AKR1A1: variants seen among roughly 807,000 people sequenced by gnomAD.
The protein encoded by AKR1A1 is HEL-S-165mP.
Under a neutral mutation model 39.2 loss-of-function variants are expected in AKR1A1, and 26 were observed. The ratio of observed to expected loss-of-function variants is 0.66; its 90% CI spans 0.49 to 0.92. The LOEUF (loss-of-function observed/expected upper bound fraction) is 0.92, where lower values mean the gene tolerates loss of function less well. Among genes scored for constraint, AKR1A1 ranks in the 40% least tolerant of loss-of-function variants. The pLI, the probability that AKR1A1 is intolerant of heterozygous loss-of-function variation, is 0.00. For synonymous variants in AKR1A1, 141 were observed against 155.5 expected (o/e 0.91, Z 0.69); for missense variants, 378 against 406.5 (o/e 0.93, Z 0.60).
intron 1 of AKR1A1, among the ~76,000 whole-genome samples, chr1:45,558,100 G>T (rs1341683245): frequency 6.6e-6 from 1 of 151,558 alleles, no homozygotes; most frequent in Non-Finnish European, 1.5e-5. Flanking sequence ...GTAGAGAGGG[G>T]GTTTCGCCTT....
At chr1:45,565,551 G>T (rs1414877446) in intron 2 of AKR1A1, among the ~76,000 whole-genome samples, 1 of 151,980 alleles carries the variant, frequency 6.6e-6, no homozygotes, top group East Asian at 1.9e-4. Flanking sequence ...TCAGCTCACT[G>T]CAGCCTCCCC....
intron 1 of AKR1A1, among the ~76,000 whole-genome samples, chr1:45,552,725 G>A (rs1430366746): frequency 6.6e-6 from 1 of 152,144 alleles, no homozygotes; most frequent in African/African-American, 2.4e-5. Flanking sequence ...TGAATATAGG[G>A]GAGAATTGCT....
intron 1 of AKR1A1, among the ~76,000 whole-genome samples, chr1:45,551,780 G>C (rs1183371903): frequency 1.3e-5 from 2 of 152,124 alleles, no homozygotes; most frequent in Admixed American, 1.3e-4. Context: ...GATTCTATCT[G>C]GTCCACTGGG....
chr1:45,568,495 AC>A lies in AKR1A1; in HGVS notation c.566del (p.Pro189HisfsTer8), dbSNP rs768361903. ...TATTCTTTGGCTCAGGTGGAATGCC[AC>A]CCATACTTGGCTCAAAATGAGCTAA... ...VRPAVLQVEC[H>X]PYLAQNELIA... On this transcript the variant is annotated frameshift_variant, in exon 6 of 9. Transcript: ENST00000351829. LOFTEE classifies it high-confidence loss of function. 18 of 1,613,654 alleles carry A rather than the reference AC, an allele frequency of 1.1e-5. No individual in the cohort carries two copies. The highest frequency in any genetic ancestry group is 1.8e-4 in the Middle Eastern group (1 of 5,656).
rs138720250 is a variant in AKR1A1, at chr1:45,569,899, G to A, written c.921G>A (p.Gly307=). 6.6e-4 allele frequency: 1,063 copies of A among 1,613,838 alleles called. 4 individuals are homozygous for A. In the Middle Eastern group the frequency reaches 0.02, roughly 30 times the overall value. The change falls in exon 9 of 9, where the codon GGG becomes GGA. Residue 307 remains glycine (G), a synonymous_variant. Coordinates refer to ENST00000351829, the MANE Select transcript of AKR1A1 (RefSeq NM_153326.3). ...TCTGTCTCTCTTTCCAGGTGGATGG[G>A]AAGAGAGTCCCAAGGGATGCAGGGC... ...RYIVPMLTVD[G]KRVPRDAGHP...
intron 2 of AKR1A1, among the ~76,000 whole-genome samples, chr1:45,562,581 C>T (rs957415924): frequency 6.6e-6 from 1 of 151,604 alleles, no homozygotes; most frequent in Admixed American, 6.6e-5. Context: ...GTGATCTTGG[C>T]TCACTGCAAC....
chr1:45,567,325 C>G (rs534730326), intron 4 of AKR1A1: 1 of 311,746 alleles, frequency 3.2e-6, no homozygotes, highest in African/African-American at 2.1e-5. Flanking sequence ...CCTGGGGTTA[C>G]AGTAATAAGT....
chr1:45,551,948 C>CTG (rs912511675), intron 1 of AKR1A1, among the ~76,000 whole-genome samples: 11 of 151,608 alleles, frequency 7.3e-5, no homozygotes, highest in Admixed American at 5.3e-4. Context: ...CCCCCATAAG[C>CTG]TGTGTGTGTG....
chr1:45,558,331 T>A (rs1377893755), intron 1 of AKR1A1, among the ~76,000 whole-genome samples: 1 of 151,220 alleles, frequency 6.6e-6, no homozygotes, highest in African/African-American at 2.4e-5. Flanking sequence ...CGGGTTCAGG[T>A]GATTCTCATG....
intron 6 of AKR1A1, 72 bp from the exon 7 acceptor site, chr1:45,568,855 G>A: frequency 6.4e-7 from 1 of 1,562,072 alleles, no homozygotes. Flanking sequence ...GCTTAGGGAA[G>A]CTGCATGGGG....
At chr1:45,567,236 G>GC in intron 4 of AKR1A1, 1 of 606,900 alleles carries the variant, frequency 1.6e-6, no homozygotes, top group Non-Finnish European at 2.8e-6. Context: ...CTCACATGGT[G>GC]TGTACCCCAG....
At chr1:45,557,588 C>T (rs966840309) in intron 1 of AKR1A1, among the ~76,000 whole-genome samples, 1 of 152,152 alleles carries the variant, frequency 6.6e-6, no homozygotes, top group Admixed American at 6.6e-5. Flanking sequence ...ATTTCAGAGC[C>T]TTCTCATGCG....
intron 2 of AKR1A1, among the ~76,000 whole-genome samples, chr1:45,563,784 C>T (rs113198238): frequency 3.3e-5 from 5 of 152,114 alleles, no homozygotes; most frequent in South Asian, 2.1e-4. Context: ...AGCAAAACTG[C>T]GTCCCAAGAA....
At chr1:45,558,774 G>T (rs989865154) in intron 1 of AKR1A1, among the ~76,000 whole-genome samples, 2 of 152,060 alleles carry the variant, frequency 1.3e-5, no homozygotes, top group African/African-American at 4.8e-5. Flanking sequence ...CAGGTGATCC[G>T]TCGCATCGGC....
chr1:45,569,937 C>T lies in AKR1A1; in HGVS notation c.959C>T (p.Pro320Leu), dbSNP rs755192963. 5 of 1,614,164 alleles carry T rather than the reference C, an allele frequency of 3.1e-6. No individual in the cohort carries two copies. Among genetic ancestry groups the T allele is most frequent in the Non-Finnish European group, 3.4e-6 (4 of 1,180,010 alleles). ...VPRDAGHPLY[P>L]FNDPY Reference sequence around the variant, plus strand: ...AGGGATGCAGGGCATCCTCTGTACCCCTTTAATGACCCGTACTGAGACCAC... The same window carrying T: ...AGGGATGCAGGGCATCCTCTGTACCTCTTTAATGACCCGTACTGAGACCAC... The change falls in exon 9 of 9, where the codon CCC (proline) becomes CTC (leucine). Residue 320 changes from proline to leucine, a missense_variant. Pro to Leu is a moderately conservative substitution (Grantham distance 98). Coordinates refer to ENST00000351829, the MANE Select transcript of AKR1A1 (RefSeq NM_153326.3).
intron 1 of AKR1A1, among the ~76,000 whole-genome samples, chr1:45,557,680 C>T (rs1407726253): frequency 6.6e-6 from 1 of 152,146 alleles, no homozygotes; most frequent in Non-Finnish European, 1.5e-5. Flanking sequence ...GGCAGCAGGC[C>T]ACCAGGTTCC....
rs150655186 is a variant in AKR1A1, at chr1:45,566,021, C to T, written c.85-548C>T. Among the ~76,000 whole-genome samples the T allele has an allele frequency of 5.6e-3, 847 of 152,222 alleles. 10 individuals are homozygous for T. Among genetic ancestry groups the T allele is most frequent in the Admixed American group, 0.025 (380 of 15,280 alleles). ...CTTGGGTAGGAAGGCATCTTAGAGA[C>T]TGGTTGGGGTGGGAGCAGAGCAAAG... On this transcript the variant is annotated intron_variant, in intron 2 of 8. Transcript: ENST00000351829.
chr1:45,568,795 G>A lies in AKR1A1; in HGVS notation c.752+111G>A. 2.0e-6 allele frequency: 3 copies of A among 1,514,596 alleles called. No individual in the cohort carries two copies. In the Admixed American group the frequency reaches 5.1e-5, roughly 26 times the overall value. The allele number at this position is 1,514,596 out of a possible 1,614,324, so 93.8% of individuals were successfully genotyped here. A position where few individuals can be genotyped will look rare whatever the true frequency, so the allele number is the denominator to read the frequency against. ...GATCTTGCCTTGTGATCTGGAGGGA[G>A]GCCACTGTAGGCATATTTCCCATTT... On this transcript the variant is annotated intron_variant, in intron 6 of 8. Transcript: ENST00000351829.
intron 4 of AKR1A1, 150 bp downstream of exon 4, chr1:45,567,170 G>A: frequency 9.5e-7 from 1 of 1,054,950 alleles, no homozygotes; most frequent in Non-Finnish European, 1.3e-6. Context: ...AGCCTCTTCT[G>A]CTACAGCAGC....
Sources: gnomAD v4.1 joint callset for allele counts (sites outside exome capture counted in the v4.1 genomes callset) on GRCh38, gnomAD v4.1.1 for gene constraint, MANE v1.5 for transcripts, NCBI Gene and HGNC (gene_info 2026-07-23, HGNC 2026-07-21) for gene names.